The following PTK2 variants were observed in gnomAD, a reference collection of about 807,000 sequenced individuals.
PTK2 encodes protein tyrosine kinase 2.
In PTK2, 45 loss-of-function variants were observed where a neutral mutation model predicts 150.1. That is an observed-to-expected ratio of 0.30 (90% CI 0.24 to 0.38). The LOEUF (loss-of-function observed/expected upper bound fraction) is 0.38, where lower values mean the gene tolerates loss of function less well. PTK2 is among the 10% of genes least tolerant of loss of function. The probability of loss-of-function intolerance (pLI) is 1.00; values close to 1 mark genes in which losing one functional copy is unlikely to be tolerated. For synonymous variants in PTK2, 432 were observed against 449.2 expected (o/e 0.96, Z 0.48); for missense variants, 919 against 1,307.3 (o/e 0.70, Z 4.58).
intron 1 of PTK2, among the ~76,000 whole-genome samples, chr8:140,931,070 C>CAAAAAAAAAAAAAAA (rs34438579): frequency 1.8e-5 from 2 of 111,714 alleles, no homozygotes; most frequent in Non-Finnish European, 1.8e-5. Context: ...GACTCTGTCT[C>CAAAAAAAAAAAAAAA]AAAAAAAAAA....
At chr8:140,709,328 T>G (rs1281719213) in intron 23 of PTK2, among the ~76,000 whole-genome samples, 1 of 152,156 alleles carries the variant, frequency 6.6e-6, no homozygotes, top group Non-Finnish European at 1.5e-5. Context: ...AGGTTCCATT[T>G]CAAAATAAAA....
chr8:140,877,217 G>A (rs556739687), intron 4 of PTK2, among the ~76,000 whole-genome samples: 1 of 151,868 alleles, frequency 6.6e-6, no homozygotes, highest in South Asian at 2.1e-4. Context: ...ATTTTTAGTA[G>A]AGACAGGGTT....
At chr8:140,776,000 T>TTTA (rs960773588) in intron 14 of PTK2, among the ~76,000 whole-genome samples, 8 of 151,930 alleles carry the variant, frequency 5.3e-5, no homozygotes, top group Non-Finnish European at 8.8e-5. Flanking sequence ...CAATCAATAG[T>TTTA]TTATTATTAT....
rs746116314 is a variant in PTK2 at position 140,744,667 on chromosome 8, T to C, written c.1619A>G (p.Lys540Arg). 6.9e-6 allele frequency: 11 copies of C among 1,583,482 alleles called. No individual in the cohort carries two copies. In the South Asian group the frequency reaches 1.1e-4, roughly 16 times the overall value. The change falls in exon 19 of 32, where the codon AAA becomes AGA. Residue 540 changes from lysine (K) to arginine (R), a missense_variant. Around this residue, in one of 3 missense-constraint regions of PTK2, gnomAD observed 555 missense variants for 880.1 expected, o/e 0.63. Transcript: ENST00000522684. The stretch of plus-strand genomic sequence containing the variant: ...TGTATCTTACCTGTGTACAAATCTT[T>C]TGCTCTCTAGATATGCAAGAGCTGT...
intron 1 of PTK2, among the ~76,000 whole-genome samples, chr8:140,993,068 C>T (rs1383538504): frequency 6.6e-6 from 1 of 152,186 alleles, no homozygotes; most frequent in East Asian, 1.9e-4. Context: ...TAGGATGAGT[C>T]CCAATCAATT....
chr8:140,751,060 C>A (rs2100062352), intron 17 of PTK2, among the ~76,000 whole-genome samples: 1 of 152,024 alleles, frequency 6.6e-6, no homozygotes, highest in Admixed American at 6.5e-5. Context: ...ACAGCGAGAC[C>A]CGAGACAGAC....
intron 2 of PTK2, among the ~76,000 whole-genome samples, chr8:140,924,087 C>CT (rs2100168539): frequency 6.6e-6 from 1 of 152,174 alleles, no homozygotes; most frequent in Admixed American, 6.5e-5. Flanking sequence ...TGGCTCCCCT[C>CT]TATCGCCAAG....
intron 22 of PTK2, among the ~76,000 whole-genome samples, chr8:140,721,075 A>T (rs182668056): frequency 4.9e-5 from 7 of 143,838 alleles, no homozygotes; most frequent in African/African-American, 1.5e-4. Context: ...TTCTTTCTTT[A>T]TTTTTTTTTT....
intron 1 of PTK2, among the ~76,000 whole-genome samples, chr8:140,956,684 G>T (rs969235310): frequency 6.6e-6 from 1 of 152,170 alleles, no homozygotes; most frequent in African/African-American, 2.4e-5. Flanking sequence ...TACAAAGGTG[G>T]AAGATATTGA....
intron 15 of PTK2, among the ~76,000 whole-genome samples, chr8:140,761,823 A>G (rs2154548464): frequency 6.6e-6 from 1 of 152,224 alleles, no homozygotes; most frequent in Non-Finnish European, 1.5e-5. Flanking sequence ...GTTTCTTAAA[A>G]CTAATTTCAA....
At chr8:140,751,826 G>C in intron 17 of PTK2, 1 of 470,880 alleles carries the variant, frequency 2.1e-6, no homozygotes, top group Non-Finnish European at 4.2e-6. Context: ...GCAGGACAAG[G>C]GGAATGGTCA....
At chr8:140,811,810 G>C (rs2100101711) in intron 10 of PTK2, among the ~76,000 whole-genome samples, 2 of 152,194 alleles carry the variant, frequency 1.3e-5, no homozygotes, top group South Asian at 4.1e-4. Context: ...GTTGAGGAAA[G>C]AATTTCAGAG....
chr8:140,659,255 TATC>T, exon 32 of PTK2: 1 of 542,274 alleles, frequency 1.8e-6, no homozygotes, highest in East Asian at 3.0e-5. Flanking sequence ...TTTTTCTGAA[TATC>T]ATGATTGAAA....
chr8:140,792,597 C>T lies in PTK2; in HGVS notation c.1124+757G>A, dbSNP rs575914886. Among the ~76,000 whole-genome samples, 21 of 152,246 alleles carry T rather than the reference C, an allele frequency of 1.4e-4. 1 individual carries two copies. Among genetic ancestry groups the T allele is most frequent in the Middle Eastern group, 6.8e-3 (2 of 294 alleles). ...CTTGGGTAGCCCAGATAGCTAAACACGGGGGAGACACAGTGGGAAGGCAGT... is the reference window on the plus strand; with the variant it reads ...CTTGGGTAGCCCAGATAGCTAAACATGGGGGAGACACAGTGGGAAGGCAGT... On this transcript the variant is annotated intron_variant, in intron 13 of 31. Coordinates refer to ENST00000522684, the Ensembl canonical transcript of PTK2.
chr8:140,906,644 G>C (rs2100160987), intron 2 of PTK2, among the ~76,000 whole-genome samples: 2 of 152,210 alleles, frequency 1.3e-5, no homozygotes, highest in Non-Finnish European at 2.9e-5. Context: ...GTAGAGTGGT[G>C]GTTACCAGAG....
At chr8:140,793,474 A>G in intron 12 of PTK2, 90 bp from the exon 13 acceptor site, 3 of 1,378,412 alleles carry the variant, frequency 2.2e-6, no homozygotes, top group Non-Finnish European at 3.0e-6. Flanking sequence ...GATGAGGCCT[A>G]TACTGGTATT....
chr8:140,832,780 TTC>T (rs929356843), intron 7 of PTK2: 1 of 512,234 alleles, frequency 2.0e-6, no homozygotes, highest in African/African-American at 1.9e-5. Context: ...GCATCAACAG[TTC>T]TGTTTTAGAC....
intron 14 of PTK2, among the ~76,000 whole-genome samples, chr8:140,775,153 C>G (rs1302975528): frequency 2.0e-5 from 3 of 152,160 alleles, no homozygotes; most frequent in Non-Finnish European, 1.5e-5. Context: ...TCAGGTAACA[C>G]CATGGTATTT....
At chr8:140,668,478 C>A (rs1284219848) in intron 29 of PTK2, 54 bp from the exon 34 acceptor site, 1 of 1,546,202 alleles carries the variant, frequency 6.5e-7, no homozygotes, top group Non-Finnish European at 8.7e-7. Flanking sequence ...GGCGTGAGAT[C>A]ACCACAATCA....
Sources: gnomAD v4.1 joint callset for allele counts (sites outside exome capture counted in the v4.1 genomes callset) on GRCh38, gnomAD v4.1.1 for gene constraint, gnomAD v4.1.1 regional missense constraint, MANE v1.5 for transcripts, NCBI Gene and HGNC (gene_info 2026-07-23, HGNC 2026-07-21) for gene names.